SOX6: variants seen among roughly 807,000 people sequenced by gnomAD.
SOX6 encodes the protein SRY-box transcription factor 6, also known as transcription factor SOX-6.
In SOX6, 11 loss-of-function variants were observed where a neutral mutation model predicts 97.8. The observed-to-expected ratio is 0.11, with a 90% CI of 0.07 to 0.19. The LOEUF is 0.19. Ranked by LOEUF, SOX6 falls within the 10% of genes least tolerant of loss-of-function variation. The probability of loss-of-function intolerance (pLI) is 1.00; values close to 1 mark genes in which losing one functional copy is unlikely to be tolerated. For synonymous variants in SOX6, 360 were observed against 371.4 expected (o/e 0.97, Z 0.35); for missense variants, 810 against 1,039.5 (o/e 0.78, Z 3.04).
At chr11:15,976,986 G>C (rs1394112421) in intron 15 of SOX6, among the ~76,000 whole-genome samples, 4 of 151,916 alleles carry the variant, frequency 2.6e-5, no homozygotes, top group African/African-American at 7.3e-5. Context: ...CTGGAGGTGG[G>C]GTAGTTCCCT....
At chr11:16,630,819 C>A (rs1460769843) in intron 3 of SOX6, among the ~76,000 whole-genome samples, 1 of 152,142 alleles carries the variant, frequency 6.6e-6, no homozygotes, top group African/African-American at 2.4e-5. Flanking sequence ...TTGAATTGAA[C>A]CCTTTATCAT....
At chr11:16,451,866 CA>C (rs904222128) in intron 1 of SOX6, among the ~76,000 whole-genome samples, 10 of 151,262 alleles carry the variant, frequency 6.6e-5, no homozygotes, top group South Asian at 6.2e-4. Flanking sequence ...AACCCCACCT[CA>C]AAAAAAAATT....
At chr11:15,996,184 G>A (rs1275422444) in intron 13 of SOX6, among the ~76,000 whole-genome samples, 1 of 152,098 alleles carries the variant, frequency 6.6e-6, no homozygotes, top group Admixed American at 6.5e-5. Context: ...GTGAAATATG[G>A]AACAACAATA....
intron 6 of SOX6, among the ~76,000 whole-genome samples, chr11:16,178,146 AG>A (rs1414656299): frequency 6.6e-6 from 1 of 151,980 alleles, no homozygotes; most frequent in Non-Finnish European, 1.5e-5. Flanking sequence ...GGATCTGGTC[AG>A]TTCTCTTATT....
At chr11:15,995,127 G>T (rs1854186056) in intron 13 of SOX6, among the ~76,000 whole-genome samples, 1 of 152,152 alleles carries the variant, frequency 6.6e-6, no homozygotes, top group African/African-American at 2.4e-5. Context: ...AGACTCAAAT[G>T]AACCCATGAA....
intron 4 of SOX6, among the ~76,000 whole-genome samples, chr11:16,209,675 C>G (rs186266078): frequency 2.0e-5 from 3 of 152,192 alleles, no homozygotes; most frequent in African/African-American, 7.2e-5. Flanking sequence ...ATCGTTTCAG[C>G]CTGGAAGGCG....
intron 3 of SOX6, among the ~76,000 whole-genome samples, chr11:16,615,582 T>C (rs903520591): frequency 1.3e-5 from 2 of 152,150 alleles, no homozygotes; most frequent in African/African-American, 4.8e-5. Flanking sequence ...AAACAGAATA[T>C]TGAATGGCAA....
chr11:16,076,344 C>T lies in SOX6; in HGVS notation c.1101+19652G>A, dbSNP rs185698396. Among the ~76,000 whole-genome samples the T allele has an allele frequency of 3.8e-3, 563 of 147,986 alleles. 4 individuals are homozygous for T. Among genetic ancestry groups the T allele is most frequent in the Non-Finnish European group, 3.6e-3 (241 of 67,180 alleles). ...ACCTATAGAATGGGGGAAATATTTG[C>T]ATACTATACATCTGAAAAAGGTCTA... is the stretch of plus-strand genomic sequence containing the variant. On this transcript the variant is annotated intron_variant, in intron 9 of 15. Transcript: ENST00000683767.
intron 3 of SOX6, among the ~76,000 whole-genome samples, chr11:16,649,181 T>A (rs1196566027): frequency 6.6e-6 from 1 of 152,076 alleles, no homozygotes; most frequent in Non-Finnish European, 1.5e-5. Context: ...AATCTAGAAG[T>A]TTGGAAAACT....
intron 9 of SOX6, among the ~76,000 whole-genome samples, chr11:16,061,406 T>C (rs1467837551): frequency 6.6e-6 from 1 of 150,626 alleles, no homozygotes; most frequent in Non-Finnish European, 1.5e-5. Flanking sequence ...CATAAACAAA[T>C]GGAAAAACAT....
chr11:16,720,773 G>A (rs1440058895), intron 2 of SOX6, among the ~76,000 whole-genome samples: 1 of 151,858 alleles, frequency 6.6e-6, no homozygotes, highest in African/African-American at 2.4e-5. Context: ...ACTGTATAAA[G>A]TATGAGTAAT....
intron 3 of SOX6, among the ~76,000 whole-genome samples, chr11:16,624,501 A>C (rs1004259319): frequency 1.3e-5 from 2 of 152,224 alleles, no homozygotes; most frequent in African/African-American, 4.8e-5. Flanking sequence ...GTAGTATCCC[A>C]TTCTATGTAT....
At chr11:16,038,904 T>TA (rs1279064981) in intron 12 of SOX6, among the ~76,000 whole-genome samples, 1 of 152,126 alleles carries the variant, frequency 6.6e-6, no homozygotes, top group Non-Finnish European at 1.5e-5. Flanking sequence ...ATAGGAATGT[T>TA]ATAGGTACAT....
intron 4 of SOX6, chr11:16,484,074 C>T: frequency 1.3e-6 from 1 of 771,956 alleles, no homozygotes; most frequent in Non-Finnish European, 2.4e-6. Context: ...CACCACAATG[C>T]CTTTGGACTT....
intron 7 of SOX6, among the ~76,000 whole-genome samples, chr11:16,107,406 T>C (rs1424995310): frequency 7.0e-6 from 1 of 141,974 alleles, no homozygotes; most frequent in Non-Finnish European, 1.5e-5. Context: ...TATATATATG[T>C]ATATATATAT....
chr11:16,583,331 ATTACTT>A (rs1432328814), intron 4 of SOX6, among the ~76,000 whole-genome samples: 1 of 151,638 alleles, frequency 6.6e-6, no homozygotes, highest in Non-Finnish European at 1.5e-5. Flanking sequence ...TATATAATAA[ATTACTT>A]TTAGCTATAG....
intron 3 of SOX6, chr11:16,313,127 G>A (rs1365811771): frequency 6.6e-6 from 1 of 152,132 alleles, no homozygotes; most frequent in African/African-American, 2.4e-5. Context: ...TTTACAATCT[G>A]GTCAAATCAC....
chr11:16,623,179 CCTGA>C (rs1848569637), intron 3 of SOX6, among the ~76,000 whole-genome samples: 1 of 152,072 alleles, frequency 6.6e-6, no homozygotes, highest in South Asian at 2.1e-4. Context: ...CGCCACCACG[CCTGA>C]CTAATTTTTG....
At chr11:16,172,155 T>C (rs556563714) in intron 6 of SOX6, among the ~76,000 whole-genome samples, 1 of 151,718 alleles carries the variant, frequency 6.6e-6, no homozygotes, top group South Asian at 2.1e-4. Flanking sequence ...AATGCAACAC[T>C]TGGGGTGAAA....
Sources: gnomAD v4.1 joint callset for allele counts (sites outside exome capture counted in the v4.1 genomes callset) on GRCh38, gnomAD v4.1.1 for gene constraint, MANE v1.5 for transcripts, NCBI Gene and HGNC (gene_info 2026-07-23, HGNC 2026-07-21) for gene names.